SYT1: variants seen among roughly 807,000 people sequenced by gnomAD.
SYT1 encodes the protein synaptotagmin 1.
In SYT1, 8 loss-of-function variants were observed where a neutral mutation model predicts 44.8. The observed-to-expected ratio is 0.18, with a 90% confidence interval of 0.10 to 0.32. SYT1 has a LOEUF of 0.32. SYT1 is among the 10% of genes least tolerant of loss of function. The pLI is 1.00. For synonymous variants in SYT1, 154 were observed against 188.8 expected (o/e 0.82, Z 1.51); for missense variants, 286 against 509.3 (o/e 0.56, Z 4.22).
intron 2 of SYT1, among the ~76,000 whole-genome samples, chr12:79,039,081 G>A (rs1022200582): frequency 1.3e-4 from 20 of 151,992 alleles, no homozygotes; most frequent in African/African-American, 4.8e-4. Context: ...AGCATGCAGT[G>A]TTTTGCTTAA....
chr12:78,976,452 C>G (rs1051202249), intron 1 of SYT1: 13 of 152,132 alleles, frequency 8.5e-5, no homozygotes, highest in African/African-American at 3.1e-4. Flanking sequence ...CCTGTAAATT[C>G]CCATGTTTTT....
intron 2 of SYT1, among the ~76,000 whole-genome samples, chr12:79,029,573 T>C (rs1200388552): frequency 2.0e-5 from 3 of 151,138 alleles, no homozygotes; most frequent in Non-Finnish European, 4.5e-5. Flanking sequence ...ACTTGTGAAA[T>C]TAGTGAAATT....
intron 2 of SYT1, among the ~76,000 whole-genome samples, chr12:78,997,454 TTAAA>T (rs1870453255): frequency 2.0e-5 from 3 of 152,190 alleles, no homozygotes; most frequent in Non-Finnish European, 2.9e-5. Context: ...CAGCTAGATA[TTAAA>T]TAATTATGCC....
chr12:78,968,445 A>C (rs1399513013), intron 1 of SYT1, among the ~76,000 whole-genome samples: 1 of 152,002 alleles, frequency 6.6e-6, no homozygotes, highest in Non-Finnish European at 1.5e-5. Context: ...TTTATGAGCA[A>C]TGCCCAAGGG....
intron 3 of SYT1, among the ~76,000 whole-genome samples, chr12:79,058,285 A>G (rs1875114943): frequency 1.3e-5 from 2 of 152,126 alleles, no homozygotes; most frequent in Admixed American, 1.3e-4. Flanking sequence ...ATGCTAAATG[A>G]CAATATTTTT....
chr12:79,095,392 A>T (rs897643394), intron 3 of SYT1, among the ~76,000 whole-genome samples: 1 of 151,900 alleles, frequency 6.6e-6, no homozygotes, highest in Non-Finnish European at 1.5e-5. Flanking sequence ...TATTATTTTA[A>T]TATTGCCAAA....
intron 8 of SYT1, among the ~76,000 whole-genome samples, chr12:79,310,663 C>T (rs2138932430): frequency 6.6e-6 from 1 of 152,266 alleles, no homozygotes; most frequent in African/African-American, 2.4e-5. Flanking sequence ...AATGTTCTTC[C>T]ATTTGTTTGT....
intron 3 of SYT1, among the ~76,000 whole-genome samples, chr12:79,051,849 A>T (rs541394184): frequency 6.4e-4 from 98 of 152,008 alleles, no homozygotes; most frequent in Middle Eastern, 3.4e-3. Context: ...GATATGCGGC[A>T]TTATTTCTGA....
chr12:78,999,812 G>T (rs963138085), intron 2 of SYT1, among the ~76,000 whole-genome samples: 2 of 152,236 alleles, frequency 1.3e-5, no homozygotes, highest in Non-Finnish European at 2.9e-5. Context: ...TCCCTACAAA[G>T]AATTCATTAA....
At chr12:79,411,845 CT>C (rs55912600) in intron 9 of SYT1, among the ~76,000 whole-genome samples, 86 of 147,696 alleles carry the variant, frequency 5.8e-4, no homozygotes, top group Admixed American at 1.9e-3. Context: ...TTTTTAACCT[CT>C]TTTTTTTTTA....
rs141821017 is a variant in SYT1 at position 78,939,352 on chromosome 12, T to A, written c.-216-38447T>A. The stretch of plus-strand genomic sequence containing the variant: ...AAAACTTCTGTCTTACTGTTAGGAT[T>A]TAAGTTTATTGTTTTCGCTATTAAA... On this transcript the variant is annotated intron_variant, in intron 1 of 10. Coordinates refer to ENST00000261205, the MANE Select transcript of SYT1 (RefSeq NM_005639.3). Among the ~76,000 whole-genome samples, 13 of 152,286 alleles carry A rather than the reference T, an allele frequency of 8.5e-5. No homozygotes were observed. In the East Asian group the frequency reaches 2.5e-3, roughly 29 times the overall value.
At chr12:79,264,069 T>A (rs1245200766) in intron 4 of SYT1, among the ~76,000 whole-genome samples, 1 of 152,208 alleles carries the variant, frequency 6.6e-6, no homozygotes, top group Non-Finnish European at 1.5e-5. Context: ...AGCTTGTGAT[T>A]GGGCTATGAT....
At chr12:79,043,224 G>A (rs1458072663) in intron 2 of SYT1, among the ~76,000 whole-genome samples, 2 of 149,274 alleles carry the variant, frequency 1.3e-5, no homozygotes, top group African/African-American at 5.0e-5. Flanking sequence ...TTGACAGTGG[G>A]GTGTTAAAGT....
intron 9 of SYT1, among the ~76,000 whole-genome samples, chr12:79,389,899 A>G (rs977101169): frequency 6.6e-6 from 1 of 151,874 alleles, no homozygotes. Context: ...GAACAAAGGA[A>G]TAGTCACTAC....
At chr12:79,116,402 G>A (rs568213749) in intron 3 of SYT1, among the ~76,000 whole-genome samples, 1 of 152,308 alleles carries the variant, frequency 6.6e-6, no homozygotes, top group East Asian at 1.9e-4. Context: ...GGAAAAGATA[G>A]GTGAAAATTA....
At chr12:79,274,426 T>C (rs541690133) in intron 4 of SYT1, among the ~76,000 whole-genome samples, 2 of 152,348 alleles carry the variant, frequency 1.3e-5, no homozygotes, top group African/African-American at 4.8e-5. Flanking sequence ...GGTCTCACTG[T>C]GGTCTGCTGC....
chr12:78,891,233 T>C (rs1198930418), intron 1 of SYT1, among the ~76,000 whole-genome samples: 1 of 151,918 alleles, frequency 6.6e-6, no homozygotes, highest in East Asian at 1.9e-4. Context: ...TAATTTATGG[T>C]GTACAAAGCA....
intron 2 of SYT1, among the ~76,000 whole-genome samples, chr12:79,011,948 A>G (rs955638220): frequency 2.0e-5 from 3 of 152,038 alleles, no homozygotes; most frequent in Non-Finnish European, 4.4e-5. Context: ...CCTGGCCAAC[A>G]TGGTGAAACC....
chr12:78,998,552 TA>T (rs1870527002), intron 2 of SYT1, among the ~76,000 whole-genome samples: 1 of 152,158 alleles, frequency 6.6e-6, no homozygotes, highest in African/African-American at 2.4e-5. Context: ...GAAAGGATAT[TA>T]AATCATAAAG....
Sources: gnomAD v4.1 joint callset for allele counts (sites outside exome capture counted in the v4.1 genomes callset) on GRCh38, gnomAD v4.1.1 for gene constraint, MANE v1.5 for transcripts, NCBI Gene and HGNC (gene_info 2026-07-23, HGNC 2026-07-21) for gene names.